Variants in KIAA0825 observed in about 807,000 individuals in gnomAD.
KIAA0825 encodes uncharacterized protein KIAA0825.
Under a neutral mutation model 147.6 loss-of-function variants are expected in KIAA0825, and 119 were observed. The observed-to-expected ratio is 0.81, with a 90% confidence interval of 0.69 to 0.94. The LOEUF is 0.94. KIAA0825 is among the 40% of genes least tolerant of loss of function. The pLI, the probability that KIAA0825 is intolerant of heterozygous loss-of-function variation, is 0.00. For missense variants in KIAA0825, 1,381 were observed against 1,472.7 expected (o/e 0.94, Z 1.02); for synonymous variants, 470 against 518.1 (o/e 0.91, Z 1.26).
chr5:94,222,823 ATATT>A (rs1396083228), intron 20 of KIAA0825, among the ~76,000 whole-genome samples: 1 of 152,206 alleles, frequency 6.6e-6, no homozygotes, highest in Admixed American at 6.5e-5. Context: ...AAAATCATAT[ATATT>A]AAAGCTACAT....
chr5:94,486,331 T>C (rs1181692016), intron 5 of KIAA0825, among the ~76,000 whole-genome samples: 1 of 152,020 alleles, frequency 6.6e-6, no homozygotes, highest in African/African-American at 2.4e-5. Flanking sequence ...CTTCATCACA[T>C]GGATGGTAGA....
chr5:94,589,590 A>G (rs1354445055), intron 1 of KIAA0825, among the ~76,000 whole-genome samples: 1 of 152,132 alleles, frequency 6.6e-6, no homozygotes, highest in African/African-American at 2.4e-5. Flanking sequence ...ATAACGCTCT[A>G]TTACTTTCCC....
In KIAA0825 at chr5:94,151,235, G is replaced by C. The variant is rs2149891866; in HGVS notation, c.*2772C>G. On this transcript the variant is annotated 3_prime_UTR_variant, in exon 21 of 21. Transcript: ENST00000682413. ...GATCGAGACCATCCTGGCTAACAAG[G>C]TGAAACCCCGTCTCTACTAAAAATA... 6.7e-6 allele frequency among the ~76,000 whole-genome samples: 1 copy of C among 150,324 alleles called. No individual in the cohort carries two copies. Among genetic ancestry groups the C allele is most frequent in the Middle Eastern group, 3.4e-3 (1 of 290 alleles).
chr5:94,266,281 A>T (rs995748950), intron 20 of KIAA0825, among the ~76,000 whole-genome samples: 1 of 152,222 alleles, frequency 6.6e-6, no homozygotes, highest in Non-Finnish European at 1.5e-5. Flanking sequence ...CAGTGGTGAG[A>T]TTAACAGTTA....
chr5:94,338,536 TATA>T (rs566389363), intron 20 of KIAA0825, among the ~76,000 whole-genome samples: 10 of 152,138 alleles, frequency 6.6e-5, no homozygotes, highest in Admixed American at 1.3e-4. Context: ...CTTGTAAGAT[TATA>T]ATAACATATT....
At chr5:94,490,722 T>C (rs947353626) in intron 5 of KIAA0825, among the ~76,000 whole-genome samples, 4 of 152,124 alleles carry the variant, frequency 2.6e-5, no homozygotes, top group Admixed American at 6.5e-5. Flanking sequence ...TGTCTAGATA[T>C]ATACACATAC....
intron 2 of KIAA0825, among the ~76,000 whole-genome samples, chr5:94,543,997 G>C (rs1773854225): frequency 6.6e-6 from 1 of 152,208 alleles, no homozygotes; most frequent in Non-Finnish European, 1.5e-5. Context: ...GGTCTGCTCT[G>C]TCTATGGAGT....
chr5:94,583,196 G>A (rs1005236754), intron 1 of KIAA0825, among the ~76,000 whole-genome samples: 1 of 152,178 alleles, frequency 6.6e-6, no homozygotes, highest in African/African-American at 2.4e-5. Flanking sequence ...GCCCATGGAG[G>A]GTGAGCCAAA....
intron 13 of KIAA0825, among the ~76,000 whole-genome samples, chr5:94,447,588 C>T: frequency 6.6e-6 from 1 of 152,148 alleles, no homozygotes; most frequent in Middle Eastern, 3.4e-3. Flanking sequence ...TCTTTCTTCA[C>T]CATTGACACC....
chr5:94,617,749 A>G (rs1467528338), intron 1 of KIAA0825: 1 of 152,188 alleles, frequency 6.6e-6, no homozygotes, highest in African/African-American at 2.4e-5. Flanking sequence ...CTTTCCTCAC[A>G]TTATCCCTTT....
At chr5:94,160,557 TATAA>T (rs1767466602) in intron 20 of KIAA0825, among the ~76,000 whole-genome samples, 2 of 148,478 alleles carry the variant, frequency 1.3e-5, no homozygotes, top group South Asian at 4.2e-4. Context: ...GTATGTTAAG[TATAA>T]ATACTGTATG....
chr5:94,512,447 C>T (rs898042981), intron 5 of KIAA0825, among the ~76,000 whole-genome samples: 16 of 152,140 alleles, frequency 1.1e-4, no homozygotes, highest in Admixed American at 5.9e-4. Context: ...TAGGCATTCA[C>T]ATTAATTATT....
intron 20 of KIAA0825, among the ~76,000 whole-genome samples, chr5:94,352,932 T>G (rs1584224896): frequency 5.2e-5 from 7 of 134,178 alleles, no homozygotes; most frequent in Admixed American, 7.5e-5. Context: ...GGGGGAAGAG[T>G]GGGAGGGGGG....
At chr5:94,360,959 C>G (rs1364448060) in intron 20 of KIAA0825, among the ~76,000 whole-genome samples, 1 of 152,144 alleles carries the variant, frequency 6.6e-6, no homozygotes. Context: ...CTTCCAGTAA[C>G]AGTGTGAATC....
intron 1 of KIAA0825, chr5:94,594,480 C>A (rs1002964398): frequency 4.0e-6 from 3 of 745,440 alleles, no homozygotes; most frequent in African/African-American, 3.4e-5. Flanking sequence ...AAAATCTCTT[C>A]TTTATGGAAG....
intron 20 of KIAA0825, among the ~76,000 whole-genome samples, chr5:94,264,155 A>G (rs1328055879): frequency 6.6e-6 from 1 of 152,096 alleles, no homozygotes; most frequent in Non-Finnish European, 1.5e-5. Context: ...TTAACGTACA[A>G]TCTTTTCTGT....
At chr5:94,524,679 G>A (rs1219710779) in intron 3 of KIAA0825, among the ~76,000 whole-genome samples, 4 of 151,568 alleles carry the variant, frequency 2.6e-5, no homozygotes, top group South Asian at 2.1e-4. Flanking sequence ...TTTAAAAAAC[G>A]ACTGGAAGGA....
At position 94,571,149 on chromosome 5, in the gene KIAA0825, G is replaced by C. The variant is rs180890400; in HGVS notation, c.-2+11284C>G. ...CAGGTTCTAAATTTGCTAAAAGAAG[G>C]CATTTATATGATGTTGTGTTCCACA... On this transcript the variant is annotated intron_variant, in intron 2 of 20. Coordinates refer to ENST00000682413, the MANE Select transcript of KIAA0825 (RefSeq NM_001145678.3). Among the ~76,000 whole-genome samples the C allele has an allele frequency of 4.1e-3, 626 of 152,202 alleles. 3 individuals carry two copies. The highest frequency in any genetic ancestry group is 0.014 in the African/African-American group (596 of 41,528).
intron 20 of KIAA0825, among the ~76,000 whole-genome samples, chr5:94,371,735 C>T (rs1302165524): frequency 6.6e-6 from 1 of 152,160 alleles, no homozygotes; most frequent in East Asian, 1.9e-4. Flanking sequence ...CAAACTGTAT[C>T]ATTCTGCCCC....
Sources: allele counts gnomAD v4.1 joint callset (sites outside exome capture counted in the v4.1 genomes callset), GRCh38; gene constraint gnomAD v4.1.1; transcripts MANE v1.5; gene names NCBI Gene and HGNC (gene_info 2026-07-23, HGNC 2026-07-21).